The following GAB1 variants were observed in gnomAD, a reference collection of about 807,000 sequenced individuals.
GAB1 encodes GRB2 associated binding protein 1.
A neutral mutation model predicts 66.5 loss-of-function variants in GAB1; 19 were observed. The observed-to-expected ratio is 0.29, with a 90% CI of 0.20 to 0.42. The LOEUF is 0.42. GAB1 is among the 10% of genes least tolerant of loss of function. The probability of loss-of-function intolerance (pLI) is 1.00; values close to 1 mark genes in which losing one functional copy is unlikely to be tolerated. For synonymous variants in GAB1, 294 were observed against 301.4 expected, an observed-to-expected ratio of 0.98 and a Z score of 0.25; for missense variants, 732 against 858.5, an observed-to-expected ratio of 0.85 and a Z score of 1.84.
Position 143,471,636 on chromosome 4 carries a change from CTGTTT to C in GAB1, c.*2449_*2453del, listed in dbSNP as rs1736086338. 6.6e-6 allele frequency: 1 copy of C among 152,084 alleles called. No individual in the cohort carries two copies. Among genetic ancestry groups the C allele is most frequent in the African/African-American group, 2.4e-5 (1 of 41,396 alleles). 9.4% of individuals were successfully genotyped at this position (152,084 alleles called of 1,614,324 possible). On this transcript the variant is annotated 3_prime_UTR_variant, in exon 10 of 10. Coordinates refer to ENST00000262994, the MANE Select transcript of GAB1 (RefSeq NM_002039.4). ...CCAGCAGCCAATTTATAGCTATGCC[CTGTTT>C]TATTTGTATACTATCAAGAAAATTT...
At chr4:143,350,561 C>G (rs1262738225) in intron 1 of GAB1, among the ~76,000 whole-genome samples, 1 of 151,378 alleles carries the variant, frequency 6.6e-6, no homozygotes, top group Non-Finnish European at 1.5e-5. Context: ...GCCTGTAATT[C>G]TAGCTACTCA....
chr4:143,384,860 G>A (rs775271388), intron 1 of GAB1, among the ~76,000 whole-genome samples: 6 of 152,212 alleles, frequency 3.9e-5, no homozygotes, highest in Non-Finnish European at 8.8e-5. Flanking sequence ...AAAGGAATCT[G>A]ACTAAGTCAC....
chr4:143,414,084 A>G lies in GAB1; in HGVS notation c.73-1393A>G, dbSNP rs369283137. Among the ~76,000 whole-genome samples, 15 of 152,028 alleles carry G rather than the reference A, an allele frequency of 9.9e-5. No individual in the cohort carries two copies. In the East Asian group the frequency reaches 1.9e-3, roughly 20 times the overall value. On this transcript the variant is annotated intron_variant, in intron 1 of 9. Coordinates refer to ENST00000262994, the MANE Select transcript of GAB1 (RefSeq NM_002039.4). ...GTGATCTGCCCACCTCGGCCTCCCA[A>G]TGTGCTGGGATTACAGGCATGAGCC...
chr4:143,399,940 C>CTT (rs34740795), intron 1 of GAB1, among the ~76,000 whole-genome samples: 40,865 of 134,562 alleles, frequency 0.3, 6,643 homozygotes, highest in South Asian at 0.46. Flanking sequence ...GAGTCTTGCT[C>CTT]TTTTTTTTTT....
intron 6 of GAB1, among the ~76,000 whole-genome samples, chr4:143,443,314 C>T (rs990660009): frequency 3.3e-5 from 5 of 152,058 alleles, no homozygotes; most frequent in African/African-American, 1.2e-4. Context: ...CTGTGCCCGG[C>T]CTGTACTATT....
intron 1 of GAB1, among the ~76,000 whole-genome samples, chr4:143,373,044 A>AACACAC (rs36205621): frequency 0.016 from 2,335 of 148,244 alleles, 55 homozygotes; most frequent in African/African-American, 0.05. Flanking sequence ...TTCCTTTAAA[A>AACACAC]ACACACACAC....
At position 143,438,468 on chromosome 4, in the gene GAB1, T is replaced by A. The variant is rs1459281623; in HGVS notation, c.1063T>A (p.Ser355Thr). ...GAAACCACATCCAGCTCATGACCGA[T>A]CTCCTGTGGAAACGTGTAGTATCCC... ...PPKPHPAHDR[S>T]PVETCSIPRT... The change falls in exon 4 of 10, where the codon TCT becomes ACT. Residue 355 changes from serine (S) to threonine (T), a missense_variant. Ser to Thr is a moderately conservative substitution (Grantham distance 58). Transcript: ENST00000262994. 4 of 1,613,828 alleles carry A rather than the reference T, an allele frequency of 2.5e-6. No individual in the cohort carries two copies. The highest frequency in any genetic ancestry group is 3.4e-6 in the Non-Finnish European group (4 of 1,179,974).
intron 6 of GAB1, among the ~76,000 whole-genome samples, chr4:143,457,483 T>G (rs960110687): frequency 1.3e-5 from 2 of 152,170 alleles, no homozygotes; most frequent in Non-Finnish European, 2.9e-5. Context: ...AATTCCTCTT[T>G]TCCATTGTGC....
intron 6 of GAB1, chr4:143,457,634 T>C (rs1443573252): frequency 3.3e-6 from 2 of 600,512 alleles, no homozygotes. Flanking sequence ...CATTTTCCAA[T>C]TAATAAATAA....
intron 2 of GAB1, chr4:143,425,040 G>T (rs55852984): frequency 1.3e-6 from 1 of 797,400 alleles, no homozygotes; most frequent in Admixed American, 1.9e-5. Context: ...AACTTAAAGG[G>T]AAACTTTCAC....
At chr4:143,349,559 T>C (rs1463413429) in intron 1 of GAB1, 10 of 1,506,054 alleles carry the variant, frequency 6.6e-6, no homozygotes, top group Non-Finnish European at 8.1e-6. Context: ...CCAGTGCCCC[T>C]GGGTGCAGGG....
rs1733261370 is a variant in GAB1, at chr4:143,425,085, G to A, written c.368-8406G>A. The A allele has an allele frequency of 1.3e-5, 12 of 905,018 alleles. No individual in the cohort carries two copies. In the South Asian group the frequency reaches 1.6e-4, roughly 12 times the overall value. The allele number at this position is 905,018 out of a possible 1,614,324, so 56.1% of individuals were successfully genotyped here. On this transcript the variant is annotated intron_variant, in intron 2 of 9. Transcript: ENST00000262994. ...AGCCCTTGATGTCCTGCAAATGAAG[G>A]AGGATGTCCTTAAGTTCCTTGCAGC...
At chr4:143,353,996 A>G (rs1729338525) in intron 1 of GAB1, among the ~76,000 whole-genome samples, 1 of 152,174 alleles carries the variant, frequency 6.6e-6, no homozygotes, top group Admixed American at 6.5e-5. Flanking sequence ...ACACCCTCTC[A>G]TTGCACTGAG....
At chr4:143,466,066 A>G (rs754688814) in intron 8 of GAB1, 37 bp from the exon 9 acceptor site, 1 of 1,607,914 alleles carries the variant, frequency 6.2e-7, no homozygotes, top group East Asian at 2.2e-5. Flanking sequence ...TGTCTGGTGA[A>G]TGTCTGACCG....
At position 143,468,883 on chromosome 4, in the gene GAB1, A is replaced by G. The variant is rs554451644; in HGVS notation, c.1927-148A>G. 10 of 706,102 alleles carry G rather than the reference A, an allele frequency of 1.4e-5. No individual in the cohort carries two copies. The Admixed American group carries it at 1.8e-4, about 12-fold the overall frequency. The allele number at this position is 706,102 out of a possible 1,614,324, so 43.7% of individuals were successfully genotyped here. Reference sequence around the variant, plus strand: ...GGTTGCAGTGAGCTGAGATCGCACCACTGCACTCCATCCTGGGCAACAAGA... The same window carrying G: ...GGTTGCAGTGAGCTGAGATCGCACCGCTGCACTCCATCCTGGGCAACAAGA... On this transcript the variant is annotated intron_variant, in intron 9 of 9. Coordinates refer to ENST00000262994, the MANE Select transcript of GAB1 (RefSeq NM_002039.4).
At chr4:143,399,232 A>T (rs992363269) in intron 1 of GAB1, among the ~76,000 whole-genome samples, 1 of 152,222 alleles carries the variant, frequency 6.6e-6, no homozygotes, top group African/African-American at 2.4e-5. Context: ...TTGTCTTCTT[A>T]AATATTAAGA....
At chr4:143,391,341 C>A (rs144082443) in intron 1 of GAB1, 3 of 152,022 alleles carry the variant, frequency 2.0e-5, no homozygotes, top group East Asian at 1.9e-4. Context: ...TCAAGGTAAA[C>A]CTTGAGGGAG....
chr4:143,446,918 A>G (rs1734586092), intron 6 of GAB1, among the ~76,000 whole-genome samples: 1 of 151,610 alleles, frequency 6.6e-6, no homozygotes, highest in Non-Finnish European at 1.5e-5. Context: ...TAGGGTTTTT[A>G]TGGTTTTAGG....
At chr4:143,393,686 T>A (rs962975938) in intron 1 of GAB1, among the ~76,000 whole-genome samples, 2 of 152,176 alleles carry the variant, frequency 1.3e-5, no homozygotes, top group African/African-American at 4.8e-5. Flanking sequence ...TAAAGACCAT[T>A]TTTCTGATTT....
Sources: allele counts gnomAD v4.1 joint callset (sites outside exome capture counted in the v4.1 genomes callset), GRCh38; gene constraint gnomAD v4.1.1; transcripts MANE v1.5; gene names NCBI Gene and HGNC (gene_info 2026-07-23, HGNC 2026-07-21).